Variants in RGS7 observed in about 807,000 individuals in gnomAD.
RGS7 encodes the protein regulator of G-protein signaling 7.
A neutral mutation model predicts 81.1 loss-of-function variants in RGS7; 27 were observed. That is an observed-to-expected ratio of 0.33 (90% CI 0.25 to 0.46). RGS7 has a LOEUF of 0.46. RGS7 is among the 20% of genes least tolerant of loss of function. RGS7 has a pLI of 1.00. For missense variants in RGS7, 396 were observed against 607.4 expected (o/e 0.65, Z 3.66); for synonymous variants, 208 against 207.7 (o/e 1.00, Z -0.01).
chr1:241,080,524 T>G (rs2063073664), intron 3 of RGS7, among the ~76,000 whole-genome samples: 1 of 152,194 alleles, frequency 6.6e-6, no homozygotes, highest in Non-Finnish European at 1.5e-5. Flanking sequence ...AATCCAAGCC[T>G]CTGGAGGTGG....
At chr1:240,964,922 T>C (rs1480678248) in intron 4 of RGS7, among the ~76,000 whole-genome samples, 2 of 152,202 alleles carry the variant, frequency 1.3e-5, no homozygotes, top group Non-Finnish European at 2.9e-5. Flanking sequence ...TTCGGACACT[T>C]GTTCTGTTCT....
chr1:241,273,166 T>C (rs1292047683), intron 2 of RGS7, among the ~76,000 whole-genome samples: 1 of 93,700 alleles, frequency 1.1e-5, no homozygotes, highest in Non-Finnish European at 2.2e-5. Flanking sequence ...CTAAAGTAAA[T>C]AATAATGAAC....
intron 6 of RGS7, among the ~76,000 whole-genome samples, chr1:240,875,042 C>CAAAACAA (rs375641448): frequency 1.3e-4 from 20 of 151,314 alleles, no homozygotes; most frequent in South Asian, 6.4e-4. Flanking sequence ...AACTCCATCT[C>CAAAACAA]AAAACAAAAA....
At chr1:241,270,584 T>C (rs1403943469) in intron 2 of RGS7, among the ~76,000 whole-genome samples, 2 of 152,190 alleles carry the variant, frequency 1.3e-5, no homozygotes, top group African/African-American at 4.8e-5. Flanking sequence ...AAATTGTACT[T>C]GTAATTCAGA....
At chr1:240,937,276 T>C (rs1041889888) in intron 4 of RGS7, among the ~76,000 whole-genome samples, 1 of 152,172 alleles carries the variant, frequency 6.6e-6, no homozygotes, top group Non-Finnish European at 1.5e-5. Flanking sequence ...GAAGTGCGAG[T>C]GGCACCCTTC....
chr1:240,916,109 CAAAAAAAA>C (rs60839025), intron 6 of RGS7, among the ~76,000 whole-genome samples: 1 of 70,944 alleles, frequency 1.4e-5, no homozygotes, highest in East Asian at 4.1e-4. Flanking sequence ...CTAAAAATAC[CAAAAAAAA>C]AAAAAAAAAA....
chr1:240,933,041 C>T (rs1464963281), intron 5 of RGS7, among the ~76,000 whole-genome samples: 15 of 148,706 alleles, frequency 1.0e-4, no homozygotes, highest in Non-Finnish European at 1.9e-4. Flanking sequence ...CCGCACCACG[C>T]CCGGCTAATT....
chr1:241,314,045 T>C (rs2080715843), intron 2 of RGS7, among the ~76,000 whole-genome samples: 1 of 152,226 alleles, frequency 6.6e-6, no homozygotes, highest in Admixed American at 6.5e-5. Flanking sequence ...TTTTTTGAGA[T>C]GGAATCTACT....
chr1:241,048,521 T>A (rs138957656), intron 3 of RGS7, among the ~76,000 whole-genome samples: 2 of 152,206 alleles, frequency 1.3e-5, no homozygotes, highest in African/African-American at 4.8e-5. Context: ...ACTATAGTTT[T>A]ACTAATAATA....
chr1:240,819,794 T>C (rs540247908), intron 10 of RGS7, among the ~76,000 whole-genome samples: 4 of 152,174 alleles, frequency 2.6e-5, no homozygotes, highest in South Asian at 4.2e-4. Context: ...ACCCAAACCA[T>C]TGGGAGGTGT....
intron 2 of RGS7, among the ~76,000 whole-genome samples, chr1:241,228,609 C>G (rs1354614613): frequency 6.6e-6 from 1 of 152,072 alleles, no homozygotes; most frequent in Non-Finnish European, 1.5e-5. Context: ...TGTGAGGACA[C>G]TGAGTTTCAT....
intron 2 of RGS7, among the ~76,000 whole-genome samples, chr1:241,158,858 G>C (rs2103180414): frequency 6.6e-6 from 1 of 152,212 alleles, no homozygotes; most frequent in African/African-American, 2.4e-5. Flanking sequence ...CCACATTGAA[G>C]TTCAATTAAA....
intron 2 of RGS7, among the ~76,000 whole-genome samples, chr1:241,124,642 T>A (rs922016444): frequency 9.9e-5 from 15 of 152,190 alleles, no homozygotes; most frequent in Admixed American, 9.2e-4. Flanking sequence ...TTTAGAACCA[T>A]TCTGGGCTTC....
chr1:240,775,086 A>G (rs1682771869), downstream of RGS7, among the ~76,000 whole-genome samples: 1 of 152,166 alleles, frequency 6.6e-6, no homozygotes, highest in Admixed American at 6.6e-5. Context: ...TGTATTCTCA[A>G]AATAATCTGT....
intron 3 of RGS7, among the ~76,000 whole-genome samples, chr1:241,035,801 T>A (rs939566635): frequency 3.3e-5 from 5 of 152,218 alleles, no homozygotes; most frequent in African/African-American, 1.2e-4. Flanking sequence ...AACACCATTC[T>A]AACCCCTTTA....
At chr1:241,278,519 T>C (rs964538668) in intron 2 of RGS7, among the ~76,000 whole-genome samples, 9 of 152,208 alleles carry the variant, frequency 5.9e-5, no homozygotes, top group African/African-American at 2.2e-4. Context: ...AGTGAGGTTC[T>C]TTGCGGTGCA....
At chr1:240,778,470 T>TGG (rs1446463031) in intron 18 of RGS7, among the ~76,000 whole-genome samples, 1 of 152,222 alleles carries the variant, frequency 6.6e-6, no homozygotes, top group Admixed American at 6.5e-5. Context: ...TTTTCTTAAT[T>TGG]GGGAAAAAGG....
chr1:240,961,479 T>TA (rs1406580851), intron 4 of RGS7, among the ~76,000 whole-genome samples: 1 of 152,216 alleles, frequency 6.6e-6, no homozygotes, highest in African/African-American at 2.4e-5. Context: ...TTACTATTAA[T>TA]ATGTGCATGT....
chr1:240,845,184 C>A lies in RGS7; in HGVS notation c.610-18012G>T, dbSNP rs529343263. Among the ~76,000 whole-genome samples, 251 of 152,242 alleles carry A rather than the reference C, an allele frequency of 1.6e-3. 1 individual carries two copies. Among genetic ancestry groups the A allele is most frequent in the African/African-American group, 4.9e-3 (203 of 41,548 alleles). The stretch of plus-strand genomic sequence containing the variant: ...GCTCAAACCCAGAGGTAGACATGAA[C>A]ATTTCTAAGGGATATTTATACCTGT... On this transcript the variant is annotated intron_variant, in intron 9 of 18. Transcript: ENST00000440928.
Sources: allele counts gnomAD v4.1 joint callset (sites outside exome capture counted in the v4.1 genomes callset), GRCh38; gene constraint gnomAD v4.1.1; transcripts MANE v1.5; gene names NCBI Gene and HGNC (gene_info 2026-07-23, HGNC 2026-07-21).